The following ROCK2 variants were observed in gnomAD, a reference collection of about 807,000 sequenced individuals.
The protein encoded by ROCK2 is rho-associated protein kinase 2.
ROCK2 carries 61 observed loss-of-function variants against 195.1 expected under a neutral mutation model. That is an observed-to-expected ratio of 0.31 (90% confidence interval 0.25 to 0.39). The LOEUF (loss-of-function observed/expected upper bound fraction) is 0.39, where lower values mean the gene tolerates loss of function less well. Among genes scored for constraint, ROCK2 ranks in the 10% least tolerant of loss-of-function variants. ROCK2 has a pLI of 1.00. For missense variants in ROCK2, 1,109 were observed against 1,637.4 expected (o/e 0.68, Z 5.57); for synonymous variants, 504 against 545.5 (o/e 0.92, Z 1.06).
intron 29 of ROCK2, 35 bp from the exon 30 acceptor site, chr2:11,193,892 AC>A: frequency 8.5e-7 from 1 of 1,172,466 alleles, no homozygotes. Flanking sequence ...ATAAAATATC[AC>A]CCAAGGATCA....
At chr2:11,186,090 A>C (rs945601745) in intron 32 of ROCK2, among the ~76,000 whole-genome samples, 2 of 152,250 alleles carry the variant, frequency 1.3e-5, no homozygotes, top group African/African-American at 2.4e-5. Context: ...TGATTACTCT[A>C]ATTTAAAATA....
chr2:11,329,829 T>C (rs958888891), intron 1 of ROCK2, among the ~76,000 whole-genome samples: 1 of 152,232 alleles, frequency 6.6e-6, no homozygotes, highest in Non-Finnish European at 1.5e-5. Flanking sequence ...AAATTCTTCT[T>C]TAACCTGAAT....
In ROCK2 at chr2:11,207,844, T is replaced by G; in HGVS notation, c.2431A>C (p.Lys811Gln). The change falls in exon 20 of 33, where the codon AAG becomes CAG. Residue 811 changes from lysine (K) to glutamine (Q), a missense_variant. Lys to Gln is a moderately conservative substitution (Grantham distance 53). Coordinates refer to ENST00000315872, the MANE Select transcript of ROCK2 (RefSeq NM_004850.5). ...GTGTTAACCTGTTGTGTTTGCATCTTCAGGTCATTTTGTGTAAGGCAGCGC... is the reference window on the plus strand; with the variant it reads ...GTGTTAACCTGTTGTGTTTGCATCTGCAGGTCATTTTGTGTAAGGCAGCGC... ...QKRCLTQNDL[K>Q]MQTQQVNTLK... 4 of 1,610,596 alleles carry G rather than the reference T, an allele frequency of 2.5e-6. No individual in the cohort carries two copies. The highest frequency in any genetic ancestry group is 3.4e-6 in the Non-Finnish European group (4 of 1,177,740).
chr2:11,289,850 G>T (rs73915152), intron 1 of ROCK2, among the ~76,000 whole-genome samples: 3,497 of 152,252 alleles, frequency 0.023, 63 homozygotes, highest in East Asian at 0.053. Flanking sequence ...GTAGAATAGG[G>T]TCAGAGAGCT....
At chr2:11,219,990 C>T (rs989741045) in intron 9 of ROCK2, among the ~76,000 whole-genome samples, 4 of 151,704 alleles carry the variant, frequency 2.6e-5, no homozygotes, top group South Asian at 2.1e-4. Context: ...GGATTACAGG[C>T]GCAAACCACC....
At chr2:11,272,339 T>TCC (rs1188470184) in intron 3 of ROCK2, among the ~76,000 whole-genome samples, 1 of 152,134 alleles carries the variant, frequency 6.6e-6, no homozygotes, top group Non-Finnish European at 1.5e-5. Context: ...AATTATAAAG[T>TCC]CCAGTATTAC....
intron 5 of ROCK2, among the ~76,000 whole-genome samples, chr2:11,230,860 A>G (rs1572275641): frequency 6.6e-6 from 1 of 152,304 alleles, no homozygotes; most frequent in East Asian, 1.9e-4. Context: ...AGGTGGAAAA[A>G]AAACTGTAAA....
In ROCK2 at chr2:11,197,263, T is replaced by A. The variant is rs531693023; in HGVS notation, c.3365A>T (p.Gln1122Leu). 1.5e-5 allele frequency: 24 copies of A among 1,614,040 alleles called. No homozygotes were observed. Among genetic ancestry groups the A allele is most frequent in the Admixed American group, 3.3e-5 (2 of 60,008 alleles). Residue 1122 changes from glutamine (Q) to leucine (L), a missense_variant, in exon 27 of 33, where the codon CAA becomes CTA. By Grantham distance (113) the Gln-to-Leu change is moderately radical. Around this residue, in one of 6 missense-constraint regions of ROCK2, gnomAD observed 221 missense variants for 355.1 expected, o/e 0.62. Coordinates refer to ENST00000315872, the MANE Select transcript of ROCK2 (RefSeq NM_004850.5). This position sits in a 1 kb window ranked among gnomAD's most constrained non-coding sequence, Gnocchi z 4.9. ...CAGACCAATATGCAAGGCTTGGAGT[T>A]GTGACCGCAGCTGCTCAATGTCACT... ...KDSDIEQLRS[Q>L]LQALHIGLDS...
At chr2:11,296,037 A>G (rs1023947934) in intron 1 of ROCK2, among the ~76,000 whole-genome samples, 7 of 149,062 alleles carry the variant, frequency 4.7e-5, no homozygotes, top group Non-Finnish European at 8.9e-5. Flanking sequence ...AGAGAGAGAG[A>G]GAGAGAGAGA....
intron 3 of ROCK2, among the ~76,000 whole-genome samples, chr2:11,261,418 T>TC (rs1175549350): frequency 1.3e-5 from 2 of 152,218 alleles, no homozygotes; most frequent in African/African-American, 4.8e-5. Flanking sequence ...TCTGTAGATT[T>TC]CCCTTTATTC....
intron 9 of ROCK2, 61 bp from the exon 10 acceptor site, chr2:11,219,087 A>T: frequency 1.2e-6 from 1 of 855,364 alleles, no homozygotes; most frequent in Non-Finnish European, 1.8e-6. Flanking sequence ...GTGCTGTTTT[A>T]TTCAAGTTAT....
chr2:11,286,645 A>G lies in ROCK2; in HGVS notation c.224-6T>C. 1 of 1,450,682 alleles carries G rather than the reference A, an allele frequency of 6.9e-7. No individual in the cohort carries two copies. The highest frequency in any genetic ancestry group is 1.2e-5 in the South Asian group (1 of 85,504). 89.9% of individuals were successfully genotyped at this position (1,450,682 alleles called of 1,614,324 possible). Reference sequence around the variant, plus strand: ...TTTTTTCACAATTTTCTCATCTACCATAAAAAGATCACCATACTTATAATA... The same window carrying G: ...TTTTTTCACAATTTTCTCATCTACCGTAAAAAGATCACCATACTTATAATA... On this transcript the variant is annotated splice_polypyrimidine_tract_variant and splice_region_variant and intron_variant, in intron 2 of 32. Coordinates refer to ENST00000315872, the MANE Select transcript of ROCK2 (RefSeq NM_004850.5).
intron 13 of ROCK2, 63 bp from the exon 14 acceptor site, chr2:11,215,708 A>C: frequency 7.4e-7 from 1 of 1,352,428 alleles, no homozygotes; most frequent in Non-Finnish European, 1.0e-6. Context: ...AAAACAAAAA[A>C]TACTTGCTAT....
chr2:11,345,090 G>A (rs1669263332), upstream of ROCK2, among the ~76,000 whole-genome samples: 1 of 152,158 alleles, frequency 6.6e-6, no homozygotes, highest in East Asian at 1.9e-4. Flanking sequence ...CCTCACCCGC[G>A]CCCAAATAAT....
At chr2:11,196,052 A>G (rs1663622725) in intron 27 of ROCK2, among the ~76,000 whole-genome samples, 1 of 152,192 alleles carries the variant, frequency 6.6e-6, no homozygotes, top group Non-Finnish European at 1.5e-5. Flanking sequence ...AACTTCTATT[A>G]TGTATCAATC....
intron 1 of ROCK2, among the ~76,000 whole-genome samples, chr2:11,330,651 C>T (rs1668688413): frequency 2.0e-5 from 3 of 147,814 alleles, no homozygotes; most frequent in Non-Finnish European, 4.5e-5. Flanking sequence ...GTACTCTAGC[C>T]TGGGTGACAG....
rs1277907248 is a variant in ROCK2 at position 11,180,308 on chromosome 2, G to GT, written c.*3128dup. 1 of 152,156 alleles carries GT rather than the reference G, an allele frequency of 6.6e-6. No individual in the cohort carries two copies. The highest frequency in any genetic ancestry group is 1.5e-5 in the Non-Finnish European group (1 of 68,038). The allele number at this position is 152,156 out of a possible 1,614,324, so 9.4% of individuals were successfully genotyped here. ...TGGTGTGGCAACCTAGAGTATTTCT[G>GT]TTTAAGATCTATATATAAATGGATG... On this transcript the variant is annotated 3_prime_UTR_variant, in exon 33 of 33. Coordinates refer to ENST00000315872, the MANE Select transcript of ROCK2 (RefSeq NM_004850.5).
At chr2:11,288,907 G>GA (rs887955666) in intron 1 of ROCK2, among the ~76,000 whole-genome samples, 28 of 151,756 alleles carry the variant, frequency 1.8e-4, no homozygotes, top group Admixed American at 1.4e-3. Context: ...CCCTGTCTCT[G>GA]AAAAAAAATT....
chr2:11,291,374 A>AC (rs34639548), intron 1 of ROCK2, among the ~76,000 whole-genome samples: 2 of 152,028 alleles, frequency 1.3e-5, no homozygotes, highest in African/African-American at 4.8e-5. Context: ...ACACGGTGAA[A>AC]CCCCATCTCT....
Sources: allele counts gnomAD v4.1 joint callset (sites outside exome capture counted in the v4.1 genomes callset), GRCh38; gene constraint gnomAD v4.1.1; regional missense constraint gnomAD v4.1.1; non-coding constraint Gnocchi (gnomAD v3.1); transcripts MANE v1.5; gene names NCBI Gene and HGNC (gene_info 2026-07-23, HGNC 2026-07-21).